The following AGMAT variants were observed in gnomAD, a reference collection of about 807,000 sequenced individuals.
AGMAT encodes the protein agmatinase (putative).
In AGMAT, 37 loss-of-function variants were observed where a neutral mutation model predicts 29.3. The ratio of observed to expected loss-of-function variants is 1.26; its 90% confidence interval spans 0.97 to 1.66. The LOEUF (loss-of-function observed/expected upper bound fraction) is 1.66, where lower values mean the gene tolerates loss of function less well. Ranked by LOEUF, AGMAT falls within the 40% of genes most tolerant of loss-of-function variation. The pLI is 0.00. For synonymous variants in AGMAT, 199 were observed against 200.8 expected (o/e 0.99, Z 0.08); for missense variants, 498 against 497.8 (o/e 1.00, Z 0.00).
intron 2 of AGMAT, among the ~76,000 whole-genome samples, chr1:15,581,671 C>T (rs867317563): frequency 6.6e-6 from 1 of 151,414 alleles, no homozygotes; most frequent in East Asian, 2.0e-4. Flanking sequence ...GTCAGGAGTT[C>T]GAGACCAGCC....
chr1:15,574,435 T>C (rs1246729631), intron 6 of AGMAT, among the ~76,000 whole-genome samples: 1 of 151,056 alleles, frequency 6.6e-6, no homozygotes, highest in Non-Finnish European at 1.5e-5. Context: ...TGGAGTGCAG[T>C]GGCGCAATCT....
At chr1:15,578,773 C>T in intron 4 of AGMAT, 86 bp downstream of exon 4, 1 of 1,434,386 alleles carries the variant, frequency 7.0e-7, no homozygotes, top group Non-Finnish European at 9.5e-7. Flanking sequence ...TAGTAAAGCC[C>T]CCGCTCAATC....
At chr1:15,577,964 CCTCCAT>C in intron 4 of AGMAT, 100 bp from the exon 5 acceptor site, 2 of 1,132,530 alleles carry the variant, frequency 1.8e-6, no homozygotes, top group Non-Finnish European at 2.5e-6. Flanking sequence ...GACACTTGAC[CCTCCAT>C]CTCCATGAAG....
chr1:15,576,515 C>T (rs1241486423), intron 5 of AGMAT, among the ~76,000 whole-genome samples: 4 of 150,492 alleles, frequency 2.7e-5, no homozygotes, highest in Admixed American at 2.6e-4. Flanking sequence ...CTGCAACCTC[C>T]GCCTCCAGGG....
intron 5 of AGMAT, 182 bp from the exon 6 acceptor site, chr1:15,575,023 C>T (rs1639017895): frequency 3.7e-6 from 2 of 539,250 alleles, no homozygotes; most frequent in Non-Finnish European, 6.8e-6. Flanking sequence ...CGTACACAGT[C>T]CCTGCTCCTC....
intron 4 of AGMAT, 63 bp downstream of exon 4, chr1:15,578,796 T>C (rs952308393): frequency 6.4e-7 from 1 of 1,550,628 alleles, no homozygotes; most frequent in Middle Eastern, 1.7e-4. Context: ...TGGCTGCCAC[T>C]GGTGAGGCAA....
Position 15,584,707 on chromosome 1 carries a change from C to A in AGMAT, c.261G>T (p.Arg87=), listed in dbSNP as rs371837235. The A allele has an allele frequency of 1.7e-5, 22 of 1,331,054 alleles. No homozygotes were observed. In the African/African-American group the frequency reaches 2.0e-4, roughly 12 times the overall value. 82.5% of individuals were successfully genotyped at this position (1,331,054 alleles called of 1,614,324 possible). Residue 87 remains arginine (R), a synonymous_variant, in exon 1 of 7, where the codon CGG becomes CGT. Coordinates refer to ENST00000375826, the MANE Select transcript of AGMAT (RefSeq NM_024758.5). ...CCTTCCGGCCTTACCTCGCCCCAGG[C>A]CGGTTGGAGGTCCCAGTATCCAGGG... ...GVPLDTGTSN[R]PGARFGPRRI...
At chr1:15,579,811 GA>G (rs1639088197) in intron 3 of AGMAT, among the ~76,000 whole-genome samples, 1 of 152,170 alleles carries the variant, frequency 6.6e-6, no homozygotes, top group Admixed American at 6.5e-5. Context: ...TATTTCACTA[GA>G]GGCTCATCTT....
chr1:15,583,904 A>G (rs953621391), intron 1 of AGMAT, among the ~76,000 whole-genome samples: 2 of 152,224 alleles, frequency 1.3e-5, no homozygotes, highest in African/African-American at 4.8e-5. Flanking sequence ...CTGACGTTCA[A>G]TAACTAGGAA....
In AGMAT at chr1:15,580,931, C is replaced by T. The variant is rs191030091; in HGVS notation, c.476-789G>A. Among the ~76,000 whole-genome samples the T allele has an allele frequency of 2.4e-3, 360 of 151,320 alleles. 1 individual carries two copies. The highest frequency in any genetic ancestry group is 8.0e-3 in the African/African-American group (330 of 41,218). ...CGGAGGTTGCGGTGAGCCAAGATCGCGCCACTGCACTCCAGCCTAGGCAAC... is the reference window on the plus strand; with the variant it reads ...CGGAGGTTGCGGTGAGCCAAGATCGTGCCACTGCACTCCAGCCTAGGCAAC... On this transcript the variant is annotated intron_variant, in intron 2 of 6. Transcript: ENST00000375826.
intron 6 of AGMAT, among the ~76,000 whole-genome samples, chr1:15,574,191 GT>G: frequency 6.6e-6 from 1 of 152,174 alleles, no homozygotes; most frequent in East Asian, 1.9e-4. Flanking sequence ...GGGCCACCCT[GT>G]CACTAGACTA....
chr1:15,583,532 G>A, intron 1 of AGMAT, 137 bp from the exon 2 acceptor site: 1 of 848,586 alleles, frequency 1.2e-6, no homozygotes, highest in Non-Finnish European at 1.8e-6. Context: ...ATGCTTAGCA[G>A]CATCCCGGCC....
chr1:15,580,201 C>CATT, intron 2 of AGMAT, 59 bp from the exon 3 acceptor site: 1 of 567,924 alleles, frequency 1.8e-6, no homozygotes, highest in Non-Finnish European at 2.8e-6. Flanking sequence ...ATAGAATAAT[C>CATT]TTTTTTTTTT....
chr1:15,577,965 C>T (rs993782364), intron 4 of AGMAT, 101 bp from the exon 5 acceptor site: 1 of 1,114,166 alleles, frequency 9.0e-7, no homozygotes, highest in Non-Finnish European at 1.3e-6. Flanking sequence ...ACACTTGACC[C>T]TCCATCTCCA....
rs200494883 is a variant in AGMAT, at chr1:15,583,293, G to T, written c.375C>A (p.Gly125=). ...GGTTGTAAAGATTGACATTCACATC[G>T]CCTAGGTCTGCAACCATGAGGGACT... ...PFQSLMVADL[G]DVNVNLYNLQ... is the part of the protein sequence containing the mutation. Residue 125 remains glycine, a synonymous_variant, in exon 2 of 7, where the codon GGC becomes GGA. Transcript: ENST00000375826. 2.5e-5 allele frequency: 40 copies of T among 1,614,096 alleles called. No individual in the cohort carries two copies. Among genetic ancestry groups the T allele is most frequent in the Middle Eastern group, 1.7e-4 (1 of 6,054 alleles).
intron 2 of AGMAT, among the ~76,000 whole-genome samples, chr1:15,582,242 G>A (rs1174548667): frequency 6.6e-6 from 1 of 151,698 alleles, no homozygotes; most frequent in African/African-American, 2.4e-5. Context: ...CTCCAGCCTG[G>A]GCAACAAGAG....
chr1:15,574,721 G>T, intron 6 of AGMAT, 36 bp downstream of exon 6: 2 of 1,563,042 alleles, frequency 1.3e-6, no homozygotes, highest in African/African-American at 1.4e-5. Flanking sequence ...TTAAGCTACC[G>T]GCTGCCCATG....
chr1:15,573,828 G>A (rs976834411), intron 6 of AGMAT, 104 bp from the exon 7 acceptor site: 25 of 1,032,850 alleles, frequency 2.4e-5, no homozygotes, highest in African/African-American at 1.6e-4. Flanking sequence ...CTTTTCCAGA[G>A]CCCTGTCTTG....
Position 15,584,874 on chromosome 1 carries a change from G to A in AGMAT, c.94C>T (p.Gln32Ter). 7.1e-7 allele frequency: 1 copy of A among 1,410,356 alleles called. No individual in the cohort carries two copies. The highest frequency in any genetic ancestry group is 9.2e-7 in the Non-Finnish European group (1 of 1,088,398). 87.4% of individuals were successfully genotyped at this position (1,410,356 alleles called of 1,614,324 possible). A position where few individuals can be genotyped will look rare whatever the true frequency, so the allele number is the denominator to read the frequency against. Residue 32 changes from glutamine (Q) to a stop codon, truncating the protein, a stop_gained, in exon 1 of 7, where the codon CAG becomes TAG. Coordinates refer to ENST00000375826, the MANE Select transcript of AGMAT (RefSeq NM_024758.5). LOFTEE classifies it high-confidence loss of function. ...GGCGCGTCGGAAGCCTGGCGGCTCT[G>A]GCGGCGCCCCGGATGAAAGAGCCCT... ...AAGLFHPGRR[Q>*]SRQASDAPRN...
Sources: gnomAD v4.1 joint callset for allele counts (sites outside exome capture counted in the v4.1 genomes callset) on GRCh38, gnomAD v4.1.1 for gene constraint, MANE v1.5 for transcripts, NCBI Gene and HGNC (gene_info 2026-07-23, HGNC 2026-07-21) for gene names.